CD96: variants seen among roughly 807,000 people sequenced by gnomAD.
CD96 encodes the protein CD96 molecule.
Under a neutral mutation model 71.3 loss-of-function variants are expected in CD96, and 70 were observed. The observed-to-expected ratio is 0.98, with a 90% CI of 0.81 to 1.20. CD96 has a LOEUF of 1.20. CD96 is among the 50% of genes most tolerant of loss of function. The pLI is 0.00. For synonymous variants in CD96, 248 were observed against 233.0 expected, an observed-to-expected ratio of 1.06 and a Z score of -0.59; for missense variants, 742 against 677.5, an observed-to-expected ratio of 1.10 and a Z score of -1.06.
At position 111,542,200 on chromosome 3, in the gene CD96, T is replaced by G; in HGVS notation, c.-49T>G. ...CTGGAGTTTGCTTGAAAACATCAAT[T>G]GACTTTGTGATCATTACAGAAATGC... On this transcript the variant is annotated 5_prime_UTR_variant, in exon 1 of 14. The change creates a new upstream start codon in the 5' untranslated region. Transcript: ENST00000352690. 1 of 1,565,622 alleles carries G rather than the reference T, an allele frequency of 6.4e-7. No homozygotes were observed. The highest frequency in any genetic ancestry group is 8.8e-7 in the Non-Finnish European group (1 of 1,135,790).
Position 111,623,772 on chromosome 3 carries a change from C to G in CD96, c.1199C>G (p.Ser400Ter). 6.2e-7 allele frequency: 1 copy of G among 1,610,640 alleles called. No homozygotes were observed. The highest frequency in any genetic ancestry group is 8.5e-7 in the Non-Finnish European group (1 of 1,176,792). Residue 400 changes from serine to a stop codon, truncating the protein, a stop_gained, in exon 9 of 14, where the codon TCA (serine) becomes TGA (stop). Transcript: ENST00000352690. LOFTEE classifies it high-confidence loss of function. ...VSPARYPATS[S>*]VTLVDVSALR... ...AAAATAGGATATCCAGCTACATCTT[C>G]AGTGACCCTTGTAGATGTGAGTGCC... is the stretch of plus-strand genomic sequence containing the variant.
intron 2 of CD96, among the ~76,000 whole-genome samples, chr3:111,566,018 T>TTA (rs1480461964): frequency 6.7e-6 from 1 of 148,886 alleles, no homozygotes; most frequent in East Asian, 1.9e-4. Context: ...TAGCATATAT[T>TTA]TATATATATA....
intron 5 of CD96, among the ~76,000 whole-genome samples, chr3:111,585,622 A>T (rs1936677242): frequency 6.7e-6 from 1 of 148,860 alleles, no homozygotes; most frequent in African/African-American, 2.6e-5. Flanking sequence ...AGAAAAAAAA[A>T]TAGTCACAAT....
At chr3:111,652,463 G>A (rs1389301373), downstream of CD96, 1 of 152,032 alleles carries the variant, frequency 6.6e-6, no homozygotes, top group African/African-American at 2.4e-5. Flanking sequence ...AGTAGAGAGT[G>A]GCAGAGTTGG....
At chr3:111,591,328 G>A (rs554148455) in intron 5 of CD96, among the ~76,000 whole-genome samples, 3 of 142,604 alleles carry the variant, frequency 2.1e-5, no homozygotes, top group East Asian at 4.3e-4. Flanking sequence ...AGCCAAGATC[G>A]CGCCACTGCA....
rs17851826 is a variant in CD96 at position 111,598,128 on chromosome 3, T to C, written c.816T>C (p.Phe272=). 3.2e-4 allele frequency: 456 copies of C among 1,403,796 alleles called. No individual in the cohort carries two copies. Among genetic ancestry groups the C allele is most frequent in the Non-Finnish European group, 4.5e-4 (445 of 989,034 alleles). 87.0% of individuals were successfully genotyped at this position (1,403,796 alleles called of 1,614,324 possible). A position where few individuals can be genotyped will look rare whatever the true frequency, so the allele number is the denominator to read the frequency against. The change falls in exon 6 of 14, where the codon TTT becomes TTC. Residue 272 remains phenylalanine (F), a synonymous_variant. Transcript: ENST00000352690. ...NSTDVLVERR[F]TCLLKNVFPK... ...TTCTGTCTTTACCCCAGAGAAGATTTACCTGCTTACTAAAGAATGTATTTC... is the reference window on the plus strand; with the variant it reads ...TTCTGTCTTTACCCCAGAGAAGATTCACCTGCTTACTAAAGAATGTATTTC...
At chr3:111,549,328 T>C (rs1009390014) in intron 2 of CD96, among the ~76,000 whole-genome samples, 1 of 152,152 alleles carries the variant, frequency 6.6e-6, no homozygotes, top group Non-Finnish European at 1.5e-5. Flanking sequence ...AAAGGTATTA[T>C]GGCTGGAGCA....
chr3:111,596,115 T>C (rs1227942570), intron 5 of CD96, among the ~76,000 whole-genome samples: 1 of 151,450 alleles, frequency 6.6e-6, no homozygotes, highest in Non-Finnish European at 1.5e-5. Flanking sequence ...TAAGCCAAGA[T>C]CATGCCACTG....
chr3:111,625,464 A>C lies in CD96; in HGVS notation c.1321+1060A>C, dbSNP rs1405679747. ...ATTCAGAAGGGGGAGCATAGAAAGA[A>C]ATCTAAAAATAAATGGAACTTAAGT... On this transcript the variant is annotated intron_variant, in intron 10 of 13. Transcript: ENST00000352690. Among the ~76,000 whole-genome samples, 3 of 152,192 alleles carry C rather than the reference A, an allele frequency of 2.0e-5. No homozygotes were observed. In the East Asian group the frequency reaches 5.8e-4, roughly 29 times the overall value.
At position 111,652,148 on chromosome 3, in the gene CD96, T is replaced by A. The variant is rs1940110460; in HGVS notation, c.*2342T>A. The A allele has an allele frequency of 6.6e-6, 1 of 152,262 alleles. No homozygotes were observed. Among genetic ancestry groups the A allele is most frequent in the African/African-American group, 2.4e-5 (1 of 41,558 alleles). 9.4% of individuals were successfully genotyped at this position (152,262 alleles called of 1,614,324 possible). On this transcript the variant is annotated 3_prime_UTR_variant, in exon 14 of 14. Coordinates refer to ENST00000352690, the MANE Select transcript of CD96 (RefSeq NM_005816.5). ...ACTATTAGATAATAAGTGCTTATTG[T>A]TTAACACCATTAATTTTGAGTATAA... is the stretch of plus-strand genomic sequence containing the variant.
At chr3:111,544,021 T>C (rs1039986648) in intron 1 of CD96, among the ~76,000 whole-genome samples, 24 of 152,250 alleles carry the variant, frequency 1.6e-4, no homozygotes, top group African/African-American at 5.5e-4. Context: ...CTTTGGTCTC[T>C]AAAGGTCTCT....
chr3:111,584,653 C>G (rs1164686805), intron 4 of CD96, among the ~76,000 whole-genome samples: 1 of 152,158 alleles, frequency 6.6e-6, no homozygotes, highest in Non-Finnish European at 1.5e-5. Context: ...GCGGGAATCC[C>G]TGATAGACCC....
chr3:111,637,804 T>C (rs1248470893), intron 11 of CD96, among the ~76,000 whole-genome samples: 1 of 151,888 alleles, frequency 6.6e-6, no homozygotes, highest in East Asian at 1.9e-4. Context: ...TCTTTTTTTT[T>C]TTTTTCAACC....
intron 14 of CD96, among the ~76,000 whole-genome samples, chr3:111,659,209 C>T (rs151290434): frequency 4.4e-4 from 67 of 152,192 alleles, no homozygotes; most frequent in African/African-American, 1.5e-3. Context: ...TTTGTATTTA[C>T]GTGGGATCAG....
chr3:111,544,737 T>G (rs913537617), intron 1 of CD96, among the ~76,000 whole-genome samples: 7 of 152,214 alleles, frequency 4.6e-5, no homozygotes, highest in African/African-American at 1.4e-4. Flanking sequence ...TGTGCTTCAA[T>G]TTTCAAATAG....
rs554335240 is a variant in CD96 at position 111,609,448 on chromosome 3, T to C, written c.1180+2656T>C. 6.6e-5 allele frequency among the ~76,000 whole-genome samples: 10 copies of C among 151,532 alleles called. No homozygotes were observed. The South Asian group carries it at 1.7e-3, about 25-fold the overall frequency. ...CTGTGAATACAGCAATGAACAAAACTGAAAAAAAAAATGTCCTCATGGCAT... is the reference window on the plus strand; with the variant it reads ...CTGTGAATACAGCAATGAACAAAACCGAAAAAAAAAATGTCCTCATGGCAT... On this transcript the variant is annotated intron_variant, in intron 8 of 13. Transcript: ENST00000352690.
At chr3:111,613,065 A>G (rs1482741760) in intron 8 of CD96, among the ~76,000 whole-genome samples, 1 of 152,176 alleles carries the variant, frequency 6.6e-6, no homozygotes, top group East Asian at 1.9e-4. Flanking sequence ...GGGGCACACA[A>G]CATTCTGCAG....
intron 5 of CD96, among the ~76,000 whole-genome samples, chr3:111,590,694 T>C (rs1451684632): frequency 6.6e-6 from 1 of 151,864 alleles, no homozygotes; most frequent in African/African-American, 2.4e-5. Context: ...GAGAAAAGAG[T>C]CTTTAACCTA....
intron 8 of CD96, chr3:111,612,796 T>C: frequency 4.6e-6 from 4 of 876,374 alleles, no homozygotes; most frequent in Non-Finnish European, 5.5e-6. Context: ...ATGACACCTA[T>C]GCTTATATTA....
Sources: gnomAD v4.1 joint callset for allele counts (sites outside exome capture counted in the v4.1 genomes callset) on GRCh38, gnomAD v4.1.1 for gene constraint, MANE v1.5 for transcripts, NCBI Gene and HGNC (gene_info 2026-07-23, HGNC 2026-07-21) for gene names.